The following ANK2 variants were observed in gnomAD, a reference collection of about 807,000 sequenced individuals.
ANK2 encodes ankyrin-2.
ANK2 carries 83 observed loss-of-function variants against 360.5 expected under a neutral mutation model. The observed-to-expected ratio is 0.23, with a 90% CI of 0.19 to 0.28. The LOEUF is 0.28. Ranked by LOEUF, ANK2 falls within the 10% of genes least tolerant of loss-of-function variation. The probability of loss-of-function intolerance (pLI) is 1.00; values close to 1 mark genes in which losing one functional copy is unlikely to be tolerated. For synonymous variants in ANK2, 1,740 were observed against 1,759.5 expected (o/e 0.99, Z 0.28); for missense variants, 4,201 against 4,795.7 (o/e 0.88, Z 3.66).
At chr4:112,739,249 G>C in the ANK2 span, 1 of 268,074 alleles carries the variant, frequency 3.7e-6, no homozygotes, top group African/African-American at 2.3e-5. Context: ...AGTCTGATTT[G>C]TCTGGATATT....
chr4:112,847,518 A>G (rs1255097347), intron 1 of ANK2, among the ~76,000 whole-genome samples: 1 of 152,198 alleles, frequency 6.6e-6, no homozygotes, highest in Non-Finnish European at 1.5e-5. Context: ...ACTGGTCTTC[A>G]GCGCAAAAAT....
chr4:113,379,623 CG>C (rs1292838539), intron 45 of ANK2, among the ~76,000 whole-genome samples: 1 of 151,978 alleles, frequency 6.6e-6, no homozygotes, highest in Non-Finnish European at 1.5e-5. Context: ...ATGGCTGCCG[CG>C]TATTTAGGAA....
At chr4:112,829,483 C>A in intron 1 of ANK2, among the ~76,000 whole-genome samples, 2 of 42,494 alleles carry the variant, frequency 4.7e-5, no homozygotes, top group African/African-American at 3.5e-4. Flanking sequence ...AGTATGAGCC[C>A]ATCTCTACAA....
chr4:113,016,768 A>AT (rs2056755588), intron 2 of ANK2, among the ~76,000 whole-genome samples: 1 of 152,224 alleles, frequency 6.6e-6, no homozygotes, highest in Non-Finnish European at 1.5e-5. Flanking sequence ...TTGTAGAGAC[A>AT]CATTCTACTG....
intron 1 of ANK2, among the ~76,000 whole-genome samples, chr4:113,054,533 A>G (rs1432409796): frequency 6.6e-6 from 1 of 152,226 alleles, no homozygotes; most frequent in Admixed American, 6.5e-5. Flanking sequence ...TTGGGTGTCC[A>G]AATAGTATTG....
intron 10 of ANK2, among the ~76,000 whole-genome samples, chr4:113,255,074 A>T (rs889195340): frequency 6.6e-6 from 1 of 152,186 alleles, no homozygotes; most frequent in Non-Finnish European, 1.5e-5. Flanking sequence ...TTAAGGCTAA[A>T]GCTGTTTTGG....
At chr4:112,948,343 A>G (rs2094696247) in intron 2 of ANK2, among the ~76,000 whole-genome samples, 1 of 152,146 alleles carries the variant, frequency 6.6e-6, no homozygotes, top group Non-Finnish European at 1.5e-5. Context: ...CATATCATTC[A>G]TTTGTGAGAG....
At chr4:112,964,355 ATTC>A (rs1486628706) in intron 2 of ANK2, among the ~76,000 whole-genome samples, 1 of 150,898 alleles carries the variant, frequency 6.6e-6, no homozygotes. Context: ...GCTGGTAACA[ATTC>A]TTCTACTCTC....
the ANK2 span, among the ~76,000 whole-genome samples, chr4:112,794,308 T>A: frequency 6.6e-6 from 1 of 152,258 alleles, no homozygotes; most frequent in Admixed American, 6.5e-5. Context: ...AAGGATTTGA[T>A]GTCCTTAAAG....
Position 113,355,883 on chromosome 4 carries a change from G to A in ANK2, c.7265G>A (p.Ser2422Asn), listed in dbSNP as rs140341680. 59 of 1,614,104 alleles carry A rather than the reference G, an allele frequency of 3.7e-5. No homozygotes were observed. In the African/African-American group the frequency reaches 6.0e-4, roughly 16 times the overall value. ...ALPSRDSEVL[S>N]AVADDSLAVS... ...CCTAGCCGAGATAGCGAAGTCCTCA[G>A]CGCTGTGGCTGATGACTCATTAGCA... The change falls in exon 38 of 46, where the codon AGC becomes AAC. Residue 2422 changes from serine (S) to asparagine (N), a missense_variant. Around this residue, in one of 4 missense-constraint regions of ANK2, gnomAD observed 2,642 missense variants for 2,714.5 expected, o/e 0.97. Coordinates refer to ENST00000357077, the MANE Select transcript of ANK2 (RefSeq NM_001148.6).
chr4:113,274,805 T>C (rs1415689094), intron 15 of ANK2, among the ~76,000 whole-genome samples, 156 bp downstream of exon 15: 1 of 152,238 alleles, frequency 6.6e-6, no homozygotes, highest in African/African-American at 2.4e-5. Context: ...AATGATTTAA[T>C]AGAATTGTGA....
chr4:113,094,554 G>T (rs139863594), intron 1 of ANK2, among the ~76,000 whole-genome samples: 1 of 151,792 alleles, frequency 6.6e-6, no homozygotes. Context: ...ATGTGTGTGC[G>T]CGTGTGTGTA....
chr4:113,296,411 C>T (rs1186922431), intron 22 of ANK2, among the ~76,000 whole-genome samples: 5 of 152,118 alleles, frequency 3.3e-5, no homozygotes. Flanking sequence ...TACACCTGCA[C>T]AACTGACATA....
intron 1 of ANK2, among the ~76,000 whole-genome samples, chr4:112,878,483 C>T (rs1344802437): frequency 2.0e-5 from 3 of 151,970 alleles, no homozygotes; most frequent in Non-Finnish European, 2.9e-5. Context: ...TGCGCCACCA[C>T]GCCCAGTTAA....
chr4:113,127,697 G>A (rs1406525774), intron 1 of ANK2, among the ~76,000 whole-genome samples: 1 of 152,036 alleles, frequency 6.6e-6, no homozygotes, highest in Non-Finnish European at 1.5e-5. Context: ...AATAAAGTTG[G>A]AGCACTTACA....
chr4:113,099,462 C>T (rs12641335), intron 1 of ANK2, among the ~76,000 whole-genome samples: 73,232 of 151,392 alleles, frequency 0.48, 18,670 homozygotes, highest in African/African-American at 0.64. Context: ...TGAGAAGAAC[C>T]ACAAAACTAT....
At chr4:113,282,576 C>T in intron 17 of ANK2, 99 bp from the exon 18 acceptor site, 1 of 1,181,750 alleles carries the variant, frequency 8.5e-7, no homozygotes, top group Non-Finnish European at 1.2e-6. Flanking sequence ...ACTTTTAACT[C>T]TTCTATTGAT....
intron 1 of ANK2, among the ~76,000 whole-genome samples, chr4:113,058,700 T>G (rs1367613008): frequency 6.6e-6 from 1 of 152,028 alleles, no homozygotes; most frequent in African/African-American, 2.4e-5. Context: ...GGGGTGGCAA[T>G]ACACCCAATG....
chr4:113,288,510 A>G (rs1490691216), intron 20 of ANK2, 24 bp downstream of exon 20: 1 of 1,591,378 alleles, frequency 6.3e-7, no homozygotes, highest in Admixed American at 1.7e-5. Flanking sequence ...GGTCATTTTC[A>G]ATTCCTATAA....
Sources: allele counts gnomAD v4.1 joint callset (sites outside exome capture counted in the v4.1 genomes callset), GRCh38; gene constraint gnomAD v4.1.1; regional missense constraint gnomAD v4.1.1; transcripts MANE v1.5; gene names NCBI Gene and HGNC (gene_info 2026-07-23, HGNC 2026-07-21).